CHODL: variants seen among roughly 807,000 people sequenced by gnomAD.
The protein encoded by CHODL is transmembrane protein MT75.
A neutral mutation model predicts 34.5 loss-of-function variants in CHODL; 29 were observed. The observed-to-expected ratio is 0.84, with a 90% CI of 0.63 to 1.15. The LOEUF is 1.15. CHODL is among the 50% of genes most tolerant of loss of function. CHODL has a pLI of 0.00. For synonymous variants in CHODL, 125 were observed against 116.1 expected (o/e 1.08, Z -0.49); for missense variants, 332 against 332.5 (o/e 1.00, Z 0.01).
chr21:18,203,466 CATT>C (rs547396678), intron 2 of CHODL, among the ~76,000 whole-genome samples: 17 of 152,224 alleles, frequency 1.1e-4, no homozygotes, highest in Non-Finnish European at 2.1e-4. Context: ...TCCATCAAAA[CATT>C]ATTAATTTAT....
At chr21:18,007,402 C>T (rs563706727) in intron 1 of CHODL, among the ~76,000 whole-genome samples, 1 of 152,304 alleles carries the variant, frequency 6.6e-6, no homozygotes, top group African/African-American at 2.4e-5. Context: ...TATGAGCAGA[C>T]AGAGGAATAA....
At chr21:18,146,096 G>A (rs973683796) in intron 2 of CHODL, among the ~76,000 whole-genome samples, 2 of 151,314 alleles carry the variant, frequency 1.3e-5, no homozygotes, top group African/African-American at 4.9e-5. Flanking sequence ...AGCCTCCCGA[G>A]TAGCTGAGAC....
intron 1 of CHODL, among the ~76,000 whole-genome samples, chr21:18,022,617 A>C (rs766269195): frequency 2.6e-5 from 4 of 152,254 alleles, no homozygotes; most frequent in Non-Finnish European, 5.9e-5. Context: ...TAGGGAGTCT[A>C]ATTTTCCATT....
intron 2 of CHODL, among the ~76,000 whole-genome samples, chr21:18,173,022 C>T (rs1419365323): frequency 6.6e-6 from 1 of 152,140 alleles, no homozygotes; most frequent in East Asian, 1.9e-4. Flanking sequence ...AGAGGCCACT[C>T]CACGCTATAG....
chr21:18,216,763 T>C (rs1236096296), intron 2 of CHODL, among the ~76,000 whole-genome samples: 1 of 152,120 alleles, frequency 6.6e-6, no homozygotes, highest in Non-Finnish European at 1.5e-5. Flanking sequence ...AAGCACCTTC[T>C]TCATGAGGTG....
At position 18,267,012 on chromosome 21, in the gene CHODL, A is replaced by G. The variant is rs1459573550; in HGVS notation, c.*974A>G. On this transcript the variant is annotated 3_prime_UTR_variant, in exon 6 of 6. Transcript: ENST00000299295. ...TGACACTGGAGGCAGATAGTTGCAA[A>G]GTTAGTCTAAGGTTTCCCTAGCTGT... 6.7e-6 allele frequency: 1 copy of G among 148,760 alleles called. No homozygotes were observed. The highest frequency in any genetic ancestry group is 2.6e-5 in the African/African-American group (1 of 38,158). 9.2% of individuals were successfully genotyped at this position (148,760 alleles called of 1,614,324 possible). A position where few individuals can be genotyped will look rare whatever the true frequency, so the allele number is the denominator to read the frequency against.
chr21:18,051,193 TC>T (rs2064511237), intron 2 of CHODL, among the ~76,000 whole-genome samples: 1 of 151,922 alleles, frequency 6.6e-6, no homozygotes, highest in Non-Finnish European at 1.5e-5. Flanking sequence ...GGTTTTCTGT[TC>T]CTGTGTTAGT....
At position 18,013,919 on chromosome 21, in the gene CHODL, G is replaced by A. The variant is rs1304664362; in HGVS notation, c.-144-13953G>A. ...CAAAGTGCTGGGATTACCGGCGTGA[G>A]CCACCGCGCCTGGCTATTTTCTGCT... On this transcript the variant is annotated intron_variant, in intron 1 of 6. Transcript: ENST00000400127. Among the ~76,000 whole-genome samples the A allele has an allele frequency of 2.6e-5, 4 of 152,072 alleles. No individual in the cohort carries two copies. In the South Asian group the frequency reaches 8.3e-4, roughly 32 times the overall value.
At chr21:18,097,406 A>G (rs530178502) in intron 2 of CHODL, among the ~76,000 whole-genome samples, 12 of 152,286 alleles carry the variant, frequency 7.9e-5, no homozygotes, top group African/African-American at 2.9e-4. Context: ...CACAAAAATC[A>G]TTAGCATTTC....
intron 2 of CHODL, among the ~76,000 whole-genome samples, chr21:18,188,406 C>A (rs551180760): frequency 1.5e-4 from 23 of 152,160 alleles, no homozygotes; most frequent in Non-Finnish European, 2.5e-4. Flanking sequence ...CTTAACAAGA[C>A]CAAAATAAAA....
Position 18,104,447 on chromosome 21 carries a change from C to T in CHODL, c.-45+76476C>T, listed in dbSNP as rs150704477. ...CTGAGTTTCCTGAGGCCTCCCCAGC[C>T]ATGCTGAAGTGTGAGTCAATTAAAC... On this transcript the variant is annotated intron_variant, in intron 2 of 6. Transcript: ENST00000400127. 9.7e-3 allele frequency among the ~76,000 whole-genome samples: 1,470 copies of T among 152,304 alleles called. 28 individuals carry two copies. The highest frequency in any genetic ancestry group is 0.032 in the African/African-American group (1,344 of 41,558).
At chr21:18,201,040 T>A (rs2073645387) in intron 2 of CHODL, among the ~76,000 whole-genome samples, 1 of 152,164 alleles carries the variant, frequency 6.6e-6, no homozygotes, top group South Asian at 2.1e-4. Context: ...AAATTTCTGT[T>A]GTCTTAAGCC....
chr21:18,150,354 A>G (rs1405015569), intron 2 of CHODL, among the ~76,000 whole-genome samples: 2 of 152,132 alleles, frequency 1.3e-5, no homozygotes, highest in African/African-American at 2.4e-5. Flanking sequence ...ACTCCCCACT[A>G]TGGCCTGAAC....
At chr21:17,963,726 C>T (rs865998525) in intron 1 of CHODL, among the ~76,000 whole-genome samples, 343 of 147,558 alleles carry the variant, frequency 2.3e-3, no homozygotes, top group African/African-American at 7.4e-3. Context: ...AGAAAACAAC[C>T]TTTTTTTTTT....
intron 2 of CHODL, among the ~76,000 whole-genome samples, chr21:18,028,278 C>T (rs867918551): frequency 0.058 from 233 of 4,042 alleles, 8 homozygotes; most frequent in African/African-American, 0.12. Context: ...TTCCTTTTCC[C>T]CTTCCTTCCT....
intron 3 of CHODL, among the ~76,000 whole-genome samples, chr21:18,257,503 A>G (rs1458200134): frequency 1.3e-5 from 2 of 152,232 alleles, no homozygotes; most frequent in African/African-American, 4.8e-5. Context: ...AGACTTACAC[A>G]TGTGAGCAGC....
chr21:17,941,765 A>T (rs868449080), intron 1 of CHODL, among the ~76,000 whole-genome samples: 2 of 152,310 alleles, frequency 1.3e-5, no homozygotes, highest in Middle Eastern at 3.4e-3. Context: ...GTAGCTTATA[A>T]ACAACAGAAA....
At chr21:17,946,980 T>C (rs903824573) in intron 1 of CHODL, among the ~76,000 whole-genome samples, 2 of 152,182 alleles carry the variant, frequency 1.3e-5, no homozygotes, top group African/African-American at 2.4e-5. Context: ...TTTTCTCTAG[T>C]AGTATGTTGA....
At chr21:17,996,859 T>G (rs1383367845) in intron 1 of CHODL, among the ~76,000 whole-genome samples, 1 of 152,178 alleles carries the variant, frequency 6.6e-6, no homozygotes, top group South Asian at 2.1e-4. Flanking sequence ...ATGAGAAACC[T>G]GAAAATTTTA....
Sources: allele counts gnomAD v4.1 joint callset (sites outside exome capture counted in the v4.1 genomes callset), GRCh38; gene constraint gnomAD v4.1.1; transcripts MANE v1.5; gene names NCBI Gene and HGNC (gene_info 2026-07-23, HGNC 2026-07-21).